Variants in TSPEAR observed in about 807,000 individuals in gnomAD.
The protein encoded by TSPEAR is thrombospondin-type laminin G domain and EAR repeat-containing protein.
Under a neutral mutation model 71.6 loss-of-function variants are expected in TSPEAR, and 69 were observed. That is an observed-to-expected ratio of 0.96 (90% CI 0.79 to 1.18). The LOEUF is 1.18. TSPEAR is among the 50% of genes most tolerant of loss of function. The pLI is 0.00. For synonymous variants in TSPEAR, 402 were observed against 387.2 expected (o/e 1.04, Z -0.45); for missense variants, 971 against 894.9 (o/e 1.09, Z -1.09).
chr21:44,617,257 C>T (rs144819928), intron 1 of TSPEAR, among the ~76,000 whole-genome samples: 12 of 152,244 alleles, frequency 7.9e-5, no homozygotes, highest in African/African-American at 1.7e-4. Context: ...GCTGTCCCAG[C>T]GCTCAGGGAG....
At chr21:44,568,213 C>T (rs1287447267) in intron 1 of TSPEAR, among the ~76,000 whole-genome samples, 1 of 152,208 alleles carries the variant, frequency 6.6e-6, no homozygotes, top group Non-Finnish European at 1.5e-5. Flanking sequence ...CCCCACCCCT[C>T]CTCCTGCTCC....
Position 44,579,958 on chromosome 21 carries a change from C to T in TSPEAR, c.83-11953G>A, listed in dbSNP as rs201749020. The stretch of plus-strand genomic sequence containing the variant: ...TGCAGCAGGAGGTGGTGCAGCAAGC[C>T]GGCTGACAGCTAGACTGCTGGCAGC... On this transcript the variant is annotated intron_variant, in intron 1 of 11. Coordinates refer to ENST00000323084, the MANE Select transcript of TSPEAR (RefSeq NM_144991.3). 4.3e-4 allele frequency: 700 copies of T among 1,613,934 alleles called. 6 individuals carry two copies. In the African/African-American group the frequency reaches 7.3e-3, roughly 17 times the overall value.
intron 2 of TSPEAR, among the ~76,000 whole-genome samples, chr21:44,545,349 A>T (rs1555917649): frequency 6.6e-6 from 1 of 152,108 alleles, no homozygotes; most frequent in African/African-American, 2.4e-5. Flanking sequence ...ATTAATTAAA[A>T]AAAAAAGAAT....
At position 44,687,364 on chromosome 21, in the gene TSPEAR, GAAA is replaced by G. The variant is rs1390498711; in HGVS notation, c.82+24066_82+24068del. ...ACACTTGTCCCACTGTATCATAACA[GAAA>G]AAACCGGAACGGCCCATGTGCCCAT... On this transcript the variant is annotated intron_variant, in intron 1 of 11. Coordinates refer to ENST00000323084, the MANE Select transcript of TSPEAR (RefSeq NM_144991.3). This position sits in a 1 kb window ranked among gnomAD's most constrained non-coding sequence, Gnocchi z 4.4. 6.6e-6 allele frequency among the ~76,000 whole-genome samples: 1 copy of G among 152,134 alleles called. No homozygotes were observed. The highest frequency in any genetic ancestry group is 6.5e-5 in the Admixed American group (1 of 15,270).
intron 2 of TSPEAR, among the ~76,000 whole-genome samples, chr21:44,535,813 G>A (rs587601165): frequency 8.7e-4 from 131 of 150,818 alleles, no homozygotes; most frequent in African/African-American, 3.1e-3. Flanking sequence ...TGATCCGCCC[G>A]CTTCGGCCTC....
rs1429857518 is a variant in TSPEAR at position 44,504,856 on chromosome 21, C to T, written c.1780G>A (p.Val594Met). Residue 594 changes from valine to methionine, a missense_variant, in exon 11 of 12, where the codon GTG (valine) becomes ATG (methionine). Transcript: ENST00000323084. ...ACCACCAGGAAATAATCTTCTCCCA[C>T]CGAGAAAAACTCCCAGTCCAGAGCA... ...CSALDWEFFS[V>M]GEDYFLVVAN... The T allele has an allele frequency of 1.2e-6, 2 of 1,613,814 alleles. No homozygotes were observed. Among genetic ancestry groups the T allele is most frequent in the African/African-American group, 2.7e-5 (2 of 74,888 alleles).
At chr21:44,598,035 C>T (rs1174160239) in intron 1 of TSPEAR, among the ~76,000 whole-genome samples, 6 of 152,146 alleles carry the variant, frequency 3.9e-5, no homozygotes, top group African/African-American at 1.2e-4. Context: ...AAACAGGCTG[C>T]TCAACCTTTT....
intron 2 of TSPEAR, among the ~76,000 whole-genome samples, chr21:44,564,612 A>AC (rs2053679146): frequency 1.3e-5 from 2 of 152,220 alleles, no homozygotes; most frequent in Admixed American, 1.3e-4. Context: ...TGGAAATAAT[A>AC]AAAGAGCACC....
chr21:44,641,557 A>G (rs587742447), intron 1 of TSPEAR, among the ~76,000 whole-genome samples: 1 of 152,192 alleles, frequency 6.6e-6, no homozygotes, highest in African/African-American at 2.4e-5. Flanking sequence ...CGCAGTGGGG[A>G]GAAAATCCAA....
chr21:44,670,408 G>C (rs1256017300), intron 1 of TSPEAR, among the ~76,000 whole-genome samples: 1 of 152,116 alleles, frequency 6.6e-6, no homozygotes, highest in Non-Finnish European at 1.5e-5. Flanking sequence ...ATCTGAGAGA[G>C]ACACTGGAAT....
chr21:44,591,601 G>A, intron 1 of TSPEAR: 1 of 1,613,692 alleles, frequency 6.2e-7, no homozygotes, highest in Non-Finnish European at 8.5e-7. Flanking sequence ...GCAGCAGGAG[G>A]CGGTGCAGCA....
rs587753641 is a variant in TSPEAR at position 44,588,682 on chromosome 21, A to T, written c.83-20677T>A. ...AAACTTTTATATATATAATATATAT[A>T]TATTTATTTATATATTTATATATAT... On this transcript the variant is annotated intron_variant, in intron 1 of 11. Coordinates refer to ENST00000323084, the MANE Select transcript of TSPEAR (RefSeq NM_144991.3). 1.0e-3 allele frequency among the ~76,000 whole-genome samples: 68 copies of T among 67,432 alleles called. 1 individual carries two copies. The South Asian group carries it at 0.014, about 14-fold the overall frequency. 44.2% of individuals were successfully genotyped at this position (67,432 alleles called of 152,430 possible). A position where few individuals can be genotyped will look rare whatever the true frequency, so the allele number is the denominator to read the frequency against.
At chr21:44,680,309 T>C (rs950833138) in intron 1 of TSPEAR, among the ~76,000 whole-genome samples, 12 of 152,102 alleles carry the variant, frequency 7.9e-5, no homozygotes, top group Admixed American at 6.5e-5. Flanking sequence ...TCACTAATCA[T>C]CAGGGAACTT....
At chr21:44,704,842 C>T (rs1283339897) in intron 1 of TSPEAR, among the ~76,000 whole-genome samples, 1 of 152,176 alleles carries the variant, frequency 6.6e-6, no homozygotes, top group Non-Finnish European at 1.5e-5. Context: ...CCCCGGCACG[C>T]CATCCACGGA....
chr21:44,514,381 TGA>T (rs1393115933), intron 9 of TSPEAR, among the ~76,000 whole-genome samples: 4 of 151,954 alleles, frequency 2.6e-5, no homozygotes, highest in Admixed American at 2.0e-4. Context: ...CACGTGTGCA[TGA>T]GTGTGCATGT....
intron 1 of TSPEAR, among the ~76,000 whole-genome samples, chr21:44,693,291 T>C: frequency 6.6e-6 from 1 of 152,160 alleles, no homozygotes; most frequent in East Asian, 1.9e-4. Flanking sequence ...TTTATTCCCT[T>C]GGATTTGACA....
At chr21:44,658,932 C>A (rs1327666673) in intron 1 of TSPEAR, among the ~76,000 whole-genome samples, 2 of 152,202 alleles carry the variant, frequency 1.3e-5, no homozygotes, top group South Asian at 2.1e-4. Flanking sequence ...AGATCCCATG[C>A]AATACCTCAA....
At chr21:44,602,724 A>C (rs2146154561) in intron 1 of TSPEAR, among the ~76,000 whole-genome samples, 1 of 152,324 alleles carries the variant, frequency 6.6e-6, no homozygotes, top group Non-Finnish European at 1.5e-5. Flanking sequence ...GGCATCCCCA[A>C]CATCGCACAC....
chr21:44,551,442 A>G, intron 2 of TSPEAR: 4 of 1,611,676 alleles, frequency 2.5e-6, no homozygotes, highest in Non-Finnish European at 3.4e-6. Context: ...GCAGATGGAC[A>G]TGGTGGAGGC....
Sources: allele counts gnomAD v4.1 joint callset (sites outside exome capture counted in the v4.1 genomes callset), GRCh38; gene constraint gnomAD v4.1.1; non-coding constraint Gnocchi (gnomAD v3.1); transcripts MANE v1.5; gene names NCBI Gene and HGNC (gene_info 2026-07-23, HGNC 2026-07-21).